Variants in CDK6 observed in about 807,000 individuals in gnomAD.
CDK6 encodes cyclin-dependent kinase 6.
A neutral mutation model predicts 37.1 loss-of-function variants in CDK6; 6 were observed. That is an observed-to-expected ratio of 0.16 (90% CI 0.09 to 0.32). The LOEUF (loss-of-function observed/expected upper bound fraction) is 0.32, where lower values mean the gene tolerates loss of function less well. CDK6 is among the 10% of genes least tolerant of loss of function. The pLI is 1.00. For missense variants in CDK6, 224 were observed against 418.9 expected, an observed-to-expected ratio of 0.53 and a Z score of 4.06; for synonymous variants, 160 against 161.3, an observed-to-expected ratio of 0.99 and a Z score of 0.06.
intron 3 of CDK6, among the ~76,000 whole-genome samples, chr7:92,768,477 A>G (rs974685866): frequency 2.6e-5 from 4 of 152,202 alleles, no homozygotes; most frequent in Non-Finnish European, 5.9e-5. Flanking sequence ...TGTCTTTCAC[A>G]AATGTACTTT....
intron 7 of CDK6, 134 bp from the exon 8 acceptor site, chr7:92,615,420 C>T (rs1795655557): frequency 1.4e-6 from 1 of 698,274 alleles, no homozygotes; most frequent in Admixed American, 2.6e-5. Flanking sequence ...TTTAAAGGGA[C>T]ACTAAATAAT....
At chr7:92,758,702 T>C (rs977491205) in intron 3 of CDK6, among the ~76,000 whole-genome samples, 3 of 152,230 alleles carry the variant, frequency 2.0e-5, no homozygotes, top group South Asian at 2.1e-4. Flanking sequence ...AGGAACAGCA[T>C]TGATTCTGTA....
chr7:92,694,736 C>T (rs11981129), intron 4 of CDK6, among the ~76,000 whole-genome samples: 32,301 of 151,962 alleles, frequency 0.21, 4,847 homozygotes, highest in East Asian at 0.47. Flanking sequence ...GTAGTGATTG[C>T]GCTTCATTAG....
Position 92,774,780 on chromosome 7 carries a change from A to C in CDK6, c.285T>G (p.Thr95=). The C allele has an allele frequency of 6.2e-7, 1 of 1,613,170 alleles. No individual in the cohort carries two copies. Among genetic ancestry groups the C allele is most frequent in the Non-Finnish European group, 8.5e-7 (1 of 1,179,598 alleles). The change falls in exon 3 of 8, where the codon ACT becomes ACG. Residue 95 remains threonine, a synonymous_variant. Coordinates refer to ENST00000424848, the MANE Select transcript of CDK6 (RefSeq NM_001145306.2). ...CTTGATCGACATGTTCAAACACTAA[A>C]GTTAGTTTGGTTTCTCTGTCTGTTC... ...VSRTDRETKL[T]LVFEHVDQDL... is the part of the protein sequence containing the mutation.
chr7:92,675,942 T>A lies in CDK6; in HGVS notation c.538-4407A>T, dbSNP rs557217676. ...GTTATACTGATTTTCTTTTTCTTAA[T>A]GTTGTAAATTTTTGTTTTCTCTTTA... On this transcript the variant is annotated intron_variant, in intron 4 of 7. Transcript: ENST00000424848. Among the ~76,000 whole-genome samples the A allele has an allele frequency of 2.6e-5, 4 of 152,246 alleles. No individual in the cohort carries two copies. The South Asian group carries it at 8.3e-4, about 31-fold the overall frequency.
chr7:92,818,134 AAAG>A (rs1801075385), intron 2 of CDK6, among the ~76,000 whole-genome samples: 1 of 146,870 alleles, frequency 6.8e-6, no homozygotes, highest in Non-Finnish European at 1.5e-5. Context: ...TGAAAATACA[AAAG>A]AAGAGCAACA....
intron 4 of CDK6, among the ~76,000 whole-genome samples, chr7:92,716,216 T>C (rs1336264688): frequency 6.6e-6 from 1 of 152,218 alleles, no homozygotes; most frequent in Non-Finnish European, 1.5e-5. Context: ...CATTCATTGA[T>C]TCATTTGTAA....
Position 92,609,404 on chromosome 7 carries a change from T to C in CDK6, c.*5736A>G, listed in dbSNP as rs1006488265. 7 of 229,922 alleles carry C rather than the reference T, an allele frequency of 3.0e-5. No individual in the cohort carries two copies. Among genetic ancestry groups the C allele is most frequent in the African/African-American group, 1.6e-4 (7 of 45,136 alleles). The allele number at this position is 229,922 out of a possible 1,614,324, so 14.2% of individuals were successfully genotyped here. ...AAAGTTAAGTATGTAGACACACTCC[T>C]AAGTTGTTATGCTCATATACTTCAG... On this transcript the variant is annotated 3_prime_UTR_variant, in exon 8 of 8. Coordinates refer to ENST00000424848, the MANE Select transcript of CDK6 (RefSeq NM_001145306.2).
intron 4 of CDK6, among the ~76,000 whole-genome samples, chr7:92,679,742 AC>A (rs1208533019): frequency 2.6e-5 from 4 of 151,532 alleles, no homozygotes; most frequent in Admixed American, 1.3e-4. Flanking sequence ...TTTTTTCGAG[AC>A]AGAGTGTCAC....
chr7:92,819,955 A>C (rs1801131208), intron 2 of CDK6, among the ~76,000 whole-genome samples: 1 of 152,024 alleles, frequency 6.6e-6, no homozygotes, highest in African/African-American at 2.4e-5. Flanking sequence ...CCTTGTAAAG[A>C]GAATAGAACA....
At chr7:92,797,127 T>C (rs1319592430) in intron 2 of CDK6, among the ~76,000 whole-genome samples, 1 of 152,190 alleles carries the variant, frequency 6.6e-6, no homozygotes, top group Admixed American at 6.5e-5. Context: ...ACTGGCAGCA[T>C]GGCTCAACCC....
intron 2 of CDK6, among the ~76,000 whole-genome samples, chr7:92,797,253 A>G (rs1800438060): frequency 6.6e-6 from 1 of 152,110 alleles, no homozygotes; most frequent in African/African-American, 2.4e-5. Context: ...TCCCCTCTCC[A>G]GGTTCCATGT....
chr7:92,775,168 T>A (rs1310910352), intron 2 of CDK6, among the ~76,000 whole-genome samples: 2 of 152,200 alleles, frequency 1.3e-5, no homozygotes, highest in Admixed American at 6.5e-5. Context: ...AAACTTGATG[T>A]CTAGGCAAAA....
chr7:92,707,395 T>C (rs1044122709), intron 4 of CDK6, among the ~76,000 whole-genome samples: 3 of 152,234 alleles, frequency 2.0e-5, no homozygotes, highest in Admixed American at 6.5e-5. Flanking sequence ...TACTGTGGTA[T>C]TATACTGTGT....
intron 5 of CDK6, among the ~76,000 whole-genome samples, chr7:92,632,386 A>T (rs1796073239): frequency 6.6e-6 from 1 of 152,204 alleles, no homozygotes; most frequent in Admixed American, 6.5e-5. Flanking sequence ...ATGATCTAAA[A>T]ATATTCTCAA....
chr7:92,693,587 CATA>C (rs1797644868), intron 4 of CDK6, among the ~76,000 whole-genome samples: 1 of 152,078 alleles, frequency 6.6e-6, no homozygotes, highest in Admixed American at 6.5e-5. Context: ...TTTAATTTTT[CATA>C]ATGAGTAATA....
At chr7:92,723,003 G>A (rs952846795) in intron 4 of CDK6, among the ~76,000 whole-genome samples, 1 of 152,114 alleles carries the variant, frequency 6.6e-6, no homozygotes, top group Non-Finnish European at 1.5e-5. Context: ...TGGCCAACAT[G>A]GCAAAACCCT....
At chr7:92,807,993 GA>G (rs1465987457) in intron 2 of CDK6, among the ~76,000 whole-genome samples, 4 of 152,154 alleles carry the variant, frequency 2.6e-5, no homozygotes, top group Non-Finnish European at 4.4e-5. Context: ...AGGGGACTCA[GA>G]AGAGATGGCA....
intron 5 of CDK6, among the ~76,000 whole-genome samples, chr7:92,658,003 T>C (rs1466383208): frequency 6.6e-6 from 1 of 152,230 alleles, no homozygotes; most frequent in African/African-American, 2.4e-5. Context: ...ATTACAGATG[T>C]AAGGCACCAT....
Sources: gnomAD v4.1 joint callset for allele counts (sites outside exome capture counted in the v4.1 genomes callset) on GRCh38, gnomAD v4.1.1 for gene constraint, MANE v1.5 for transcripts, NCBI Gene and HGNC (gene_info 2026-07-23, HGNC 2026-07-21) for gene names.